CALN1: variants seen among roughly 807,000 people sequenced by gnomAD.
CALN1 encodes calcium-binding protein 8.
In CALN1, 17 loss-of-function variants were observed where a neutral mutation model predicts 30.6. That is an observed-to-expected ratio of 0.56 (90% CI 0.38 to 0.83). CALN1 has a LOEUF of 0.83. Among genes scored for constraint, CALN1 ranks in the 40% least tolerant of loss-of-function variants. CALN1 has a pLI of 0.00. For missense variants in CALN1, 291 were observed against 354.9 expected, an observed-to-expected ratio of 0.82 and a Z score of 1.45; for synonymous variants, 156 against 131.4, an observed-to-expected ratio of 1.19 and a Z score of -1.28.
intron 3 of CALN1, among the ~76,000 whole-genome samples, chr7:72,271,086 G>A (rs1796941748): frequency 6.6e-6 from 1 of 152,172 alleles, no homozygotes; most frequent in Non-Finnish European, 1.5e-5. Flanking sequence ...TGGCTGACTG[G>A]CAATATAATT....
intron 5 of CALN1, among the ~76,000 whole-genome samples, chr7:71,848,291 C>T (rs1453764878): frequency 6.6e-6 from 1 of 152,194 alleles, no homozygotes. Flanking sequence ...CACATCTGTG[C>T]TTGCTAATCA....
chr7:72,251,560 C>T (rs571409609), intron 3 of CALN1, among the ~76,000 whole-genome samples: 91 of 152,078 alleles, frequency 6.0e-4, no homozygotes, highest in Admixed American at 1.4e-3. Flanking sequence ...TCACCATGCC[C>T]GGCTCATTTT....
chr7:71,903,735 G>A (rs1354131051), intron 5 of CALN1, among the ~76,000 whole-genome samples: 5 of 152,150 alleles, frequency 3.3e-5, no homozygotes, highest in Non-Finnish European at 2.9e-5. Flanking sequence ...GTTTTATACA[G>A]GAAAGGAAAC....
At chr7:72,084,619 C>T (rs1805363563) in intron 4 of CALN1, among the ~76,000 whole-genome samples, 1 of 152,024 alleles carries the variant, frequency 6.6e-6, no homozygotes, top group Admixed American at 6.6e-5. Flanking sequence ...CCTCGGCCTC[C>T]CAATGTGCTG....
At chr7:72,216,280 A>C (rs1284365886) in intron 3 of CALN1, among the ~76,000 whole-genome samples, 1 of 151,794 alleles carries the variant, frequency 6.6e-6, no homozygotes, top group Non-Finnish European at 1.5e-5. Flanking sequence ...ATTTAACATA[A>C]CTGAGCGTGG....
intron 5 of CALN1, among the ~76,000 whole-genome samples, chr7:71,824,094 T>C (rs1320994842): frequency 6.6e-6 from 1 of 152,130 alleles, no homozygotes; most frequent in Admixed American, 6.6e-5. Context: ...CATGGGTGTC[T>C]CACTATGTTA....
the CALN1 span, among the ~76,000 whole-genome samples, chr7:72,503,747 A>G: frequency 6.6e-6 from 1 of 152,036 alleles, no homozygotes; most frequent in African/African-American, 2.4e-5. Flanking sequence ...ACCTGGACTC[A>G]AATCCCAAAG....
intron 3 of CALN1, among the ~76,000 whole-genome samples, chr7:72,188,686 C>A (rs1428564728): frequency 6.6e-6 from 1 of 151,780 alleles, no homozygotes. Context: ...CATCCATTCC[C>A]CAAAAATGTA....
In CALN1 at chr7:72,403,397, A is replaced by T. The variant is rs550803140; in HGVS notation, c.-28T>A. ...GGGGTCCAGGGCGATGTTCTCAGAG[A>T]GAGTTAGAAGCTCATCAAAGGAACG... On this transcript the variant is annotated 5_prime_UTR_variant, in exon 2 of 7. Transcript: ENST00000395275. 12 of 1,523,396 alleles carry T rather than the reference A, an allele frequency of 7.9e-6. No homozygotes were observed. The South Asian group carries it at 1.1e-4, about 14-fold the overall frequency. The allele number at this position is 1,523,396 out of a possible 1,614,324, so 94.4% of individuals were successfully genotyped here. A position where few individuals can be genotyped will look rare whatever the true frequency, so the allele number is the denominator to read the frequency against.
intron 3 of CALN1, among the ~76,000 whole-genome samples, chr7:72,247,714 G>A (rs1013761450): frequency 6.6e-6 from 1 of 152,190 alleles, no homozygotes; most frequent in Non-Finnish European, 1.5e-5. Flanking sequence ...AATGTGGCCA[G>A]GCATGGAGGC....
At chr7:72,290,909 T>C (rs1291465038) in intron 2 of CALN1, among the ~76,000 whole-genome samples, 3 of 144,260 alleles carry the variant, frequency 2.1e-5, no homozygotes. Flanking sequence ...TCCTATACTT[T>C]CTTTCACCTT....
rs574267415 is a variant in CALN1 at position 71,913,387 on chromosome 7, G to T, written c.502-102895C>A. Among the ~76,000 whole-genome samples, 17 of 152,254 alleles carry T rather than the reference G, an allele frequency of 1.1e-4. No homozygotes were observed. The East Asian group carries it at 3.1e-3, about 28-fold the overall frequency. Reference sequence around the variant, plus strand: ...TAGTGGCAAATTCTTCAAAAGATCAGAGGGGCAGCAACCCCTGAGGATAAT... The same window carrying T: ...TAGTGGCAAATTCTTCAAAAGATCATAGGGGCAGCAACCCCTGAGGATAAT... On this transcript the variant is annotated intron_variant, in intron 5 of 6. Transcript: ENST00000395275.
chr7:72,346,599 T>A (rs2129559049), intron 2 of CALN1, among the ~76,000 whole-genome samples: 1 of 152,248 alleles, frequency 6.6e-6, no homozygotes, highest in South Asian at 2.1e-4. Context: ...CACTGCAACC[T>A]CCACCTCCCA....
chr7:71,933,215 T>C (rs1293204655), intron 5 of CALN1, among the ~76,000 whole-genome samples: 1 of 152,042 alleles, frequency 6.6e-6, no homozygotes, highest in Non-Finnish European at 1.5e-5. Flanking sequence ...GAAGACAAGA[T>C]GGCGCCAGTT....
At chr7:71,981,391 G>A (rs1798385727) in intron 5 of CALN1, among the ~76,000 whole-genome samples, 1 of 152,122 alleles carries the variant, frequency 6.6e-6, no homozygotes, top group Non-Finnish European at 1.5e-5. Flanking sequence ...ACCCAAGAGG[G>A]GCTGGGGGTG....
intron 5 of CALN1, among the ~76,000 whole-genome samples, chr7:71,969,524 A>T (rs1797693092): frequency 6.6e-6 from 1 of 152,194 alleles, no homozygotes; most frequent in South Asian, 2.1e-4. Context: ...TAAACATTCA[A>T]GCCATAAAAA....
At chr7:72,086,990 C>T (rs1805525763) in intron 4 of CALN1, among the ~76,000 whole-genome samples, 1 of 151,926 alleles carries the variant, frequency 6.6e-6, no homozygotes, top group Non-Finnish European at 1.5e-5. Context: ...AAAAGTTACT[C>T]AAAGTTGTTA....
intron 3 of CALN1, among the ~76,000 whole-genome samples, chr7:72,252,857 C>T (rs1795659663): frequency 6.6e-6 from 1 of 152,196 alleles, no homozygotes; most frequent in South Asian, 2.1e-4. Context: ...TTCTACTTTG[C>T]TTACTGCTGC....
intron 5 of CALN1, among the ~76,000 whole-genome samples, chr7:71,906,009 C>A (rs1794115732): frequency 6.6e-6 from 1 of 152,114 alleles, no homozygotes; most frequent in Non-Finnish European, 1.5e-5. Context: ...ACCATTCAAT[C>A]TCATGAGAAT....
Sources: gnomAD v4.1 joint callset for allele counts (sites outside exome capture counted in the v4.1 genomes callset) on GRCh38, gnomAD v4.1.1 for gene constraint, MANE v1.5 for transcripts, NCBI Gene and HGNC (gene_info 2026-07-23, HGNC 2026-07-21) for gene names.